ENPP6: variants seen among roughly 807,000 people sequenced by gnomAD.
ENPP6 encodes the protein ectonucleotide pyrophosphatase/phosphodiesterase 6, also known as glycerophosphocholine cholinephosphodiesterase ENPP6.
In ENPP6, 32 loss-of-function variants were observed where a neutral mutation model predicts 42.0. That is an observed-to-expected ratio of 0.76 (90% confidence interval 0.58 to 1.02). The LOEUF is 1.02. Among genes scored for constraint, ENPP6 ranks in the 50% least tolerant of loss-of-function variants. The pLI is 0.00. For missense variants in ENPP6, 552 were observed against 566.8 expected, an observed-to-expected ratio of 0.97 and a Z score of 0.27; for synonymous variants, 213 against 216.0, an observed-to-expected ratio of 0.99 and a Z score of 0.12.
intron 1 of ENPP6, among the ~76,000 whole-genome samples, chr4:184,179,497 C>G (rs941472106): frequency 6.6e-6 from 1 of 152,148 alleles, no homozygotes; most frequent in African/African-American, 2.4e-5. Flanking sequence ...TTGAACTCAG[C>G]CCTGGATCGA....
At chr4:184,210,446 G>T in intron 1 of ENPP6, among the ~76,000 whole-genome samples, 1 of 105,316 alleles carries the variant, frequency 9.5e-6, no homozygotes, top group African/African-American at 3.9e-5. Flanking sequence ...CCTAGTCTCT[G>T]ATAAAACAGA....
intron 1 of ENPP6, among the ~76,000 whole-genome samples, chr4:184,180,663 T>C (rs1429219001): frequency 2.0e-5 from 3 of 152,202 alleles, no homozygotes; most frequent in Non-Finnish European, 4.4e-5. Flanking sequence ...TTATCCACCG[T>C]AGTGGAGTTG....
chr4:184,121,278 G>T (rs554230411), intron 3 of ENPP6, among the ~76,000 whole-genome samples: 64 of 152,334 alleles, frequency 4.2e-4, no homozygotes, highest in African/African-American at 1.2e-3. Context: ...AGCACTGGAA[G>T]GAATGCCTGA....
chr4:184,210,111 G>C lies in ENPP6; in HGVS notation c.241+7468C>G, dbSNP rs543061819. Reference sequence around the variant, plus strand: ...GCGCTAAACAGGGAAAGGAACAACCGGTACCACCCGCTGCAAAATCATGCC... The same window carrying C: ...GCGCTAAACAGGGAAAGGAACAACCCGTACCACCCGCTGCAAAATCATGCC... On this transcript the variant is annotated intron_variant, in intron 1 of 7. Transcript: ENST00000296741. 1.9e-3 allele frequency among the ~76,000 whole-genome samples: 284 copies of C among 151,270 alleles called. 12 individuals carry two copies. The highest frequency in any genetic ancestry group is 6.7e-3 in the African/African-American group (275 of 40,874).
chr4:184,100,212 G>GTT (rs1160574658), intron 6 of ENPP6, among the ~76,000 whole-genome samples: 1 of 152,240 alleles, frequency 6.6e-6, no homozygotes, highest in South Asian at 2.1e-4. Context: ...ACTGTGTGGT[G>GTT]TAAGTGATGG....
intron 5 of ENPP6, among the ~76,000 whole-genome samples, chr4:184,113,449 C>T (rs951683612): frequency 6.6e-6 from 1 of 152,164 alleles, no homozygotes; most frequent in East Asian, 1.9e-4. Flanking sequence ...ACAGCTGTCC[C>T]AGGTAACGGT....
chr4:184,167,717 G>C (rs929737097), intron 1 of ENPP6, among the ~76,000 whole-genome samples: 5 of 152,156 alleles, frequency 3.3e-5, no homozygotes, highest in Admixed American at 3.3e-4. Context: ...TCACGGCCTC[G>C]GGCCAGGTGC....
intron 2 of ENPP6, among the ~76,000 whole-genome samples, chr4:184,150,619 C>G (rs1373688187): frequency 1.3e-5 from 2 of 152,236 alleles, no homozygotes. Context: ...AGCTGCCCCC[C>G]AGGAAGATGA....
chr4:184,193,937 T>G (rs1732745143), intron 1 of ENPP6, among the ~76,000 whole-genome samples: 1 of 152,206 alleles, frequency 6.6e-6, no homozygotes, highest in East Asian at 1.9e-4. Context: ...CTTTCTTCTA[T>G]TAGAAGCTTT....
In ENPP6 at chr4:184,097,288, G is replaced by T; in HGVS notation, c.1074C>A (p.Asn358Lys). 1 of 1,614,208 alleles carries T rather than the reference G, an allele frequency of 6.2e-7. No homozygotes were observed. Residue 358 changes from asparagine to lysine, a missense_variant, in exon 7 of 8, where the codon AAC (asparagine) becomes AAA (lysine). Coordinates refer to ENST00000296741, the MANE Select transcript of ENPP6 (RefSeq NM_153343.4). ...AGATGCCCCGCATGTCCATGAGCTC[G>T]TTGTCGTAGCCGTGCCATCCACGCT... ...GWQRGWHGYDNELMDMRGIFL... is the reference protein window; with the variant it reads ...GWQRGWHGYDKELMDMRGIFL...
At chr4:184,142,311 G>A (rs1736837590) in intron 2 of ENPP6, among the ~76,000 whole-genome samples, 1 of 152,234 alleles carries the variant, frequency 6.6e-6, no homozygotes, top group Non-Finnish European at 1.5e-5. Context: ...TTGCGAGACA[G>A]GTGTGCAACT....
chr4:184,114,210 C>A (rs561104366), intron 5 of ENPP6, among the ~76,000 whole-genome samples: 1 of 152,252 alleles, frequency 6.6e-6, no homozygotes, highest in African/African-American at 2.4e-5. Flanking sequence ...AGGTGATCCA[C>A]CCACCTTAGC....
At chr4:184,171,259 G>GCATC (rs1407917096) in intron 1 of ENPP6, among the ~76,000 whole-genome samples, 1 of 152,238 alleles carries the variant, frequency 6.6e-6, no homozygotes, top group Middle Eastern at 3.2e-3. Flanking sequence ...GTCAGCAGCT[G>GCATC]CATCCACCTG....
chr4:184,172,608 G>A (rs542826117), intron 1 of ENPP6, among the ~76,000 whole-genome samples: 2 of 152,176 alleles, frequency 1.3e-5, no homozygotes, highest in Admixed American at 6.6e-5. Flanking sequence ...AGCAGTGGGC[G>A]CAGTGAACGG....
At chr4:184,209,449 C>T (rs965666726) in intron 1 of ENPP6, among the ~76,000 whole-genome samples, 15 of 151,718 alleles carry the variant, frequency 9.9e-5, no homozygotes, top group Non-Finnish European at 1.9e-4. Flanking sequence ...GCAGAAGCCT[C>T]AGGAGCCAAA....
In ENPP6 at chr4:184,124,240, TG is replaced by T; in HGVS notation, c.453del (p.Thr152ProfsTer4). On this transcript the variant is annotated frameshift_variant, in exon 3 of 8. Transcript: ENST00000296741. LOFTEE classifies it high-confidence loss of function. ...GCEVEILGVR[P>X]TYCLEYKNVP... ...ACATTTTTATATTCTAGGCAGTAGG[TG>T]GGTCTGACACCCAGAATCTCAACCT... is the stretch of plus-strand genomic sequence containing the variant. 6.2e-7 allele frequency: 1 copy of T among 1,614,054 alleles called. No individual in the cohort carries two copies. The highest frequency in any genetic ancestry group is 8.5e-7 in the Non-Finnish European group (1 of 1,179,960).
At chr4:184,102,866 G>A (rs1458745334) in intron 6 of ENPP6, among the ~76,000 whole-genome samples, 2 of 152,278 alleles carry the variant, frequency 1.3e-5, no homozygotes, top group Non-Finnish European at 2.9e-5. Context: ...CAGCAGGTCA[G>A]GAGGAGTTGA....
intron 1 of ENPP6, among the ~76,000 whole-genome samples, chr4:184,197,835 G>A (rs1338945042): frequency 6.6e-6 from 1 of 152,196 alleles, no homozygotes; most frequent in East Asian, 1.9e-4. Flanking sequence ...TTTGGGACAA[G>A]GCCAGCCAGC....
In ENPP6 at chr4:184,097,326, G is replaced by A. The variant is rs774718991; in HGVS notation, c.1036C>T (p.Arg346Trp). The change falls in exon 7 of 8, where the codon CGG becomes TGG. Residue 346 changes from arginine (R) to tryptophan (W), a missense_variant. Arg to Trp is a moderately radical substitution (Grantham distance 101). Transcript: ENST00000296741. Reference protein sequence around the residue: ...LPFWMNSTGRREGWQRGWHGY... With the variant: ...LPFWMNSTGRWEGWQRGWHGY... ...TGCCATCCACGCTGCCAACCTTCCC[G>A]CCTGCCGGTGCTGTTCATCCAAAAC... 2 of 1,614,140 alleles carry A rather than the reference G, an allele frequency of 1.2e-6. No individual in the cohort carries two copies. The highest frequency in any genetic ancestry group is 2.2e-5 in the East Asian group (1 of 44,884).
Sources: gnomAD v4.1 joint callset for allele counts (sites outside exome capture counted in the v4.1 genomes callset) on GRCh38, gnomAD v4.1.1 for gene constraint, MANE v1.5 for transcripts, NCBI Gene and HGNC (gene_info 2026-07-23, HGNC 2026-07-21) for gene names.